Variants in CDH12 observed in about 807,000 individuals in gnomAD.
CDH12 encodes cadherin 12, also known as cadherin-12.
A neutral mutation model predicts 74.1 loss-of-function variants in CDH12; 41 were observed. That is an observed-to-expected ratio of 0.55 (90% CI 0.43 to 0.72). The LOEUF (loss-of-function observed/expected upper bound fraction) is 0.72. CDH12 is among the 30% of genes least tolerant of loss of function. The pLI, the probability that CDH12 is intolerant of heterozygous loss-of-function variation, is 0.00. For synonymous variants in CDH12, 399 were observed against 355.0 expected (o/e 1.12, Z -1.39); for missense variants, 945 against 977.2 (o/e 0.97, Z 0.44).
At chr5:22,091,174 T>C (rs1194997473) in intron 4 of CDH12, among the ~76,000 whole-genome samples, 5 of 143,226 alleles carry the variant, frequency 3.5e-5, no homozygotes, top group Non-Finnish European at 7.5e-5. Flanking sequence ...TTATATTAAA[T>C]ATCCTAAAGT....
At position 22,154,556 on chromosome 5, in the gene CDH12, T is replaced by C. The variant is rs150267477; in HGVS notation, c.-187+57942A>G. Among the ~76,000 whole-genome samples, 339 of 149,420 alleles carry C rather than the reference T, an allele frequency of 2.3e-3. 1 individual carries two copies. The highest frequency in any genetic ancestry group is 7.7e-3 in the African/African-American group (311 of 40,462). ...ATGTATATATGTATATGTGTACACATATATATACACATATGTATATATGTA... is the reference window on the plus strand; with the variant it reads ...ATGTATATATGTATATGTGTACACACATATATACACATATGTATATATGTA... On this transcript the variant is annotated intron_variant, in intron 4 of 14. Transcript: ENST00000382254.
chr5:22,691,768 C>T (rs770492411), intron 1 of CDH12, among the ~76,000 whole-genome samples: 1 of 152,122 alleles, frequency 6.6e-6, no homozygotes, highest in African/African-American at 2.4e-5. Context: ...CTATCCCCCA[C>T]ACTAATTGTC....
At chr5:22,276,447 A>C (rs931752850) in intron 3 of CDH12, among the ~76,000 whole-genome samples, 14 of 152,192 alleles carry the variant, frequency 9.2e-5, no homozygotes, top group African/African-American at 3.4e-4. Context: ...AGTTGCCGTA[A>C]ATGAATACTG....
intron 6 of CDH12, among the ~76,000 whole-genome samples, chr5:21,949,227 G>A (rs1366133228): frequency 6.6e-6 from 1 of 152,040 alleles, no homozygotes; most frequent in Non-Finnish European, 1.5e-5. Context: ...GAGGCGGGCA[G>A]ATCACGAGGT....
intron 1 of CDH12, among the ~76,000 whole-genome samples, chr5:22,769,112 C>G (rs1483265201): frequency 6.6e-6 from 1 of 152,042 alleles, no homozygotes; most frequent in Non-Finnish European, 1.5e-5. Context: ...GAGGTGTCAA[C>G]TTGATTGAAT....
chr5:22,613,829 C>T (rs568102518), intron 1 of CDH12, among the ~76,000 whole-genome samples: 2 of 151,900 alleles, frequency 1.3e-5, no homozygotes, highest in African/African-American at 2.4e-5. Context: ...ATGTGTATCA[C>T]GTTTATGAAA....
chr5:21,816,181 C>T (rs937585462), intron 9 of CDH12, among the ~76,000 whole-genome samples: 4 of 152,144 alleles, frequency 2.6e-5, no homozygotes, highest in African/African-American at 9.6e-5. Context: ...CCTCCTCTTC[C>T]TCCTTCTCCT....
intron 3 of CDH12, among the ~76,000 whole-genome samples, chr5:22,386,475 C>A (rs1203379277): frequency 6.6e-6 from 1 of 152,172 alleles, no homozygotes; most frequent in Non-Finnish European, 1.5e-5. Flanking sequence ...TCATTCCAAT[C>A]AACCTCCTTA....
chr5:22,535,695 TTC>T (rs1737815494), intron 1 of CDH12, among the ~76,000 whole-genome samples: 2 of 152,222 alleles, frequency 1.3e-5, no homozygotes, highest in South Asian at 4.1e-4. Context: ...CTAATGTGCT[TTC>T]TCTAAGAGCA....
intron 5 of CDH12, among the ~76,000 whole-genome samples, chr5:22,003,125 T>G (rs1736700535): frequency 1.3e-5 from 2 of 152,188 alleles, no homozygotes; most frequent in South Asian, 4.1e-4. Context: ...GAATGGAATT[T>G]GCTTTTATAA....
At chr5:22,363,607 G>T (rs1320741929) in intron 3 of CDH12, among the ~76,000 whole-genome samples, 1 of 152,124 alleles carries the variant, frequency 6.6e-6, no homozygotes, top group Non-Finnish European at 1.5e-5. Flanking sequence ...TTTCTCCAAT[G>T]ATATATGTCC....
chr5:22,409,313 T>A (rs1743082838), intron 2 of CDH12, among the ~76,000 whole-genome samples: 1 of 152,042 alleles, frequency 6.6e-6, no homozygotes, highest in Non-Finnish European at 1.5e-5. Flanking sequence ...AGGTATACAC[T>A]TGTAGCACAG....
At chr5:22,274,336 T>C (rs1399195302) in intron 3 of CDH12, among the ~76,000 whole-genome samples, 1 of 152,142 alleles carries the variant, frequency 6.6e-6, no homozygotes, top group Non-Finnish European at 1.5e-5. Flanking sequence ...TTTTAATAAT[T>C]CAATTTCACT....
intron 2 of CDH12, among the ~76,000 whole-genome samples, chr5:22,489,714 G>A (rs1387859924): frequency 5.6e-5 from 2 of 35,482 alleles, no homozygotes; most frequent in Non-Finnish European, 1.1e-4. Flanking sequence ...TTTTTTTTTT[G>A]AGGCAGGGTC....
chr5:22,851,207 C>T (rs1388477164), intron 1 of CDH12, among the ~76,000 whole-genome samples: 1 of 152,038 alleles, frequency 6.6e-6, no homozygotes, highest in Non-Finnish European at 1.5e-5. Context: ...TCCCCCTCCC[C>T]CCAACAATAA....
At chr5:21,866,325 G>C (rs1028785011) in intron 6 of CDH12, among the ~76,000 whole-genome samples, 2 of 152,162 alleles carry the variant, frequency 1.3e-5, no homozygotes, top group African/African-American at 4.8e-5. Flanking sequence ...ACAGATTGGA[G>C]GGCTCAGAAG....
chr5:21,986,388 T>G (rs191219422), intron 5 of CDH12, among the ~76,000 whole-genome samples: 297 of 152,300 alleles, frequency 2.0e-3, no homozygotes, highest in African/African-American at 6.9e-3. Flanking sequence ...ATTGTCATAT[T>G]TTGCAACTTT....
intron 3 of CDH12, among the ~76,000 whole-genome samples, chr5:22,399,242 A>C (rs1742606031): frequency 1.3e-5 from 2 of 150,222 alleles, no homozygotes; most frequent in South Asian, 4.2e-4. Flanking sequence ...ATCTAATCTA[A>C]ACAAGTAGTG....
intron 10 of CDH12, among the ~76,000 whole-genome samples, chr5:21,798,420 G>A (rs1746916499): frequency 6.6e-6 from 1 of 152,066 alleles, no homozygotes; most frequent in Admixed American, 6.6e-5. Flanking sequence ...ATGTACGGGT[G>A]CTCAGTAATT....
Sources: allele counts gnomAD v4.1 joint callset (sites outside exome capture counted in the v4.1 genomes callset), GRCh38; gene constraint gnomAD v4.1.1; transcripts MANE v1.5; gene names NCBI Gene and HGNC (gene_info 2026-07-23, HGNC 2026-07-21).